The following LRRC19 variants were observed in gnomAD, a reference collection of about 807,000 sequenced individuals.
The protein encoded by LRRC19 is leucine rich repeat containing 19, also known as leucine-rich repeat-containing protein 19.
In LRRC19, 33 loss-of-function variants were observed where a neutral mutation model predicts 33.3. The observed-to-expected ratio is 0.99, with a 90% CI of 0.75 to 1.33. LRRC19 has a LOEUF of 1.33. Among genes scored for constraint, LRRC19 ranks in the 40% most tolerant of loss-of-function variants. LRRC19 has a pLI of 0.00. For synonymous variants in LRRC19, 184 were observed against 152.3 expected (o/e 1.21, Z -1.53); for missense variants, 463 against 417.3 (o/e 1.11, Z -0.95).
intron 1 of LRRC19, among the ~76,000 whole-genome samples, chr9:27,002,765 C>A (rs763326724): frequency 2.0e-5 from 3 of 152,052 alleles, no homozygotes; most frequent in Non-Finnish European, 2.9e-5. Context: ...GTTGTTTTAG[C>A]TATTTGGGAT....
In LRRC19 at chr9:26,994,564, A is replaced by G. The variant is rs1335779639; in HGVS notation, c.*957T>C. 6.6e-6 allele frequency: 1 copy of G among 152,090 alleles called. No individual in the cohort carries two copies. The highest frequency in any genetic ancestry group is 1.5e-5 in the Non-Finnish European group (1 of 67,996). The allele number at this position is 152,090 out of a possible 1,614,324, so 9.4% of individuals were successfully genotyped here. A position where few individuals can be genotyped will look rare whatever the true frequency, so the allele number is the denominator to read the frequency against. On this transcript the variant is annotated 3_prime_UTR_variant, in exon 5 of 5. Coordinates refer to ENST00000380055, the MANE Select transcript of LRRC19 (RefSeq NM_022901.3). ...AAAAAAAAAAAAAAAAAAGAAAAAG[A>G]ATCTTGTTTCACCTTGTTTAAACTA...
At position 26,997,750 on chromosome 9, in the gene LRRC19, C is replaced by T; in HGVS notation, c.573G>A (p.Leu191=). ...TACCTAATGTCACATTTGATGTGTT[C>T]AACCAGTTCTGCAAATTAAATAGAC... The part of the protein sequence containing the change: ...SCSLFNLQNW[L]NTSNVTLENE... Residue 191 remains leucine, a synonymous_variant, in exon 3 of 5, where the codon TTG becomes TTA. Coordinates refer to ENST00000380055, the MANE Select transcript of LRRC19 (RefSeq NM_022901.3). 1.2e-6 allele frequency: 2 copies of T among 1,608,512 alleles called. No homozygotes were observed. Among genetic ancestry groups the T allele is most frequent in the Non-Finnish European group, 1.7e-6 (2 of 1,178,518 alleles).
intron 3 of LRRC19, among the ~76,000 whole-genome samples, chr9:26,997,403 G>A (rs916831960): frequency 3.5e-5 from 5 of 143,226 alleles, no homozygotes; most frequent in Admixed American, 2.2e-4. Context: ...GCACGATCTC[G>A]GCTCACTGTA....
In LRRC19 at chr9:27,005,352, T is replaced by TCCCC. The variant is rs1443234170; in HGVS notation, c.-10+236_-10+239dup. ...ATTTGATTGGCTAGATGAAACCATT[T>TCCCC]CCCCCCCCGCCCCCCGCAAAACAAT... On this transcript the variant is annotated intron_variant, in intron 1 of 4. Transcript: ENST00000380055. Among the ~76,000 whole-genome samples, 44 of 18,936 alleles carry TCCCC rather than the reference T, an allele frequency of 2.3e-3. 1 individual carries two copies. The East Asian group carries it at 0.024, about 10-fold the overall frequency. The allele number at this position is 18,936 out of a possible 152,430, so 12.4% of individuals were successfully genotyped here.
intron 4 of LRRC19, 87 bp from the exon 5 acceptor site, chr9:26,995,936 A>G (rs1828132879): frequency 2.3e-6 from 2 of 887,966 alleles, no homozygotes; most frequent in Non-Finnish European, 3.3e-6. Flanking sequence ...ATTCTCCTCA[A>G]TATTGGTATT....
chr9:26,999,852 G>GCCTTGATCTC, intron 1 of LRRC19, 149 bp from the exon 2 acceptor site: 1 of 534,310 alleles, frequency 1.9e-6, no homozygotes, highest in East Asian at 3.1e-5. Flanking sequence ...GCTCACTGCA[G>GCCTTGATCTC]CCTTGATCTC....
In LRRC19 at chr9:26,996,298, A is replaced by G. The variant is rs1237555315; in HGVS notation, c.784+13T>C. 7 of 1,484,124 alleles carry G rather than the reference A, an allele frequency of 4.7e-6. No homozygotes were observed. The East Asian group carries it at 1.6e-4, about 34-fold the overall frequency. The allele number at this position is 1,484,124 out of a possible 1,614,324, so 91.9% of individuals were successfully genotyped here. On this transcript the variant is annotated intron_variant, in intron 4 of 4. Transcript: ENST00000380055. ...ACATTCAGCAGTGTTAATATATAGA[A>G]CCAGTATATTACCTGAATTTCTTGT...
Position 26,999,665 on chromosome 9 carries a change from A to G in LRRC19, c.30T>C (p.Phe10=). Residue 10 remains phenylalanine (F), a synonymous_variant, in exon 2 of 5, where the codon TTT becomes TTC. Coordinates refer to ENST00000380055, the MANE Select transcript of LRRC19 (RefSeq NM_022901.3). ...ATAATAATATCATGGAGAGGGGCCA[A>G]AAGAGGATTGTGATGCCTGTGACTT... MKVTGITIL[F]WPLSMILLSD... The G allele has an allele frequency of 6.2e-7, 1 of 1,610,794 alleles. No homozygotes were observed. Among genetic ancestry groups the G allele is most frequent in the Non-Finnish European group, 8.5e-7 (1 of 1,178,572 alleles).
At chr9:27,001,482 A>G (rs572870638) in intron 1 of LRRC19, among the ~76,000 whole-genome samples, 1 of 152,256 alleles carries the variant, frequency 6.6e-6, no homozygotes, top group Non-Finnish European at 1.5e-5. Flanking sequence ...ATTGCCTGTC[A>G]TATTGATAGA....
Position 26,996,477 on chromosome 9 carries a change from A to G in LRRC19, c.618T>C (p.Cys206=). ...VTLENENITM[C]SYPNSLQSYN... ...AGCTCTGCAGGCTGTTGGGGTAGCTACACATGGTGATGTTCTCATTTTCTA... is the reference window on the plus strand; with the variant it reads ...AGCTCTGCAGGCTGTTGGGGTAGCTGCACATGGTGATGTTCTCATTTTCTA... Residue 206 remains cysteine (C), a synonymous_variant, in exon 4 of 5, where the codon TGT becomes TGC. Coordinates refer to ENST00000380055, the MANE Select transcript of LRRC19 (RefSeq NM_022901.3). The G allele has an allele frequency of 1.3e-6, 2 of 1,497,838 alleles. No individual in the cohort carries two copies. Among genetic ancestry groups the G allele is most frequent in the Non-Finnish European group, 1.8e-6 (2 of 1,112,626 alleles). 92.8% of individuals were successfully genotyped at this position (1,497,838 alleles called of 1,614,324 possible). A position where few individuals can be genotyped will look rare whatever the true frequency, so the allele number is the denominator to read the frequency against.
intron 1 of LRRC19, among the ~76,000 whole-genome samples, chr9:27,000,519 G>C (rs1032530774): frequency 2.6e-5 from 4 of 152,112 alleles, no homozygotes; most frequent in Non-Finnish European, 4.4e-5. Context: ...TTGAGGCGTG[G>C]TAGATATACA....
chr9:26,999,750 C>T (rs1263952260), intron 1 of LRRC19, 47 bp from the exon 2 acceptor site: 3 of 1,255,940 alleles, frequency 2.4e-6, no homozygotes, highest in African/African-American at 3.2e-5. Context: ...TTATTTTTCC[C>T]TCTTTTGAAT....
rs775807949 is a variant in LRRC19 at position 26,997,812 on chromosome 9, T to C, written c.511A>G (p.Ile171Val). Residue 171 changes from isoleucine to valine, a missense_variant, in exon 3 of 5, where the codon ATA becomes GTA. Coordinates refer to ENST00000380055, the MANE Select transcript of LRRC19 (RefSeq NM_022901.3). ...DVPPLFHLEL[I>V]TLYGNLWNCS... ...TTCCATAGGTTTCCATATAAAGTTATTAATTCCAGATGAAATAGTGGTGGT... is the reference window on the plus strand; with the variant it reads ...TTCCATAGGTTTCCATATAAAGTTACTAATTCCAGATGAAATAGTGGTGGT... 5 of 1,614,184 alleles carry C rather than the reference T, an allele frequency of 3.1e-6. No individual in the cohort carries two copies. The highest frequency in any genetic ancestry group is 4.2e-6 in the Non-Finnish European group (5 of 1,180,024).
chr9:27,004,813 A>G (rs1389258380), intron 1 of LRRC19, among the ~76,000 whole-genome samples: 2 of 152,194 alleles, frequency 1.3e-5, no homozygotes, highest in African/African-American at 4.8e-5. Flanking sequence ...TATTTCACAA[A>G]ATTACGTGCA....
At position 26,993,624 on chromosome 9, in the gene LRRC19, T is replaced by C. The variant is rs544843452; in HGVS notation, c.*1897A>G. ...ATCTATTTTATTTTAGCCTCTTTTT[T>C]CTAAGGAATTGTCAAGTACATACAA... On this transcript the variant is annotated 3_prime_UTR_variant, in exon 5 of 5. Coordinates refer to ENST00000380055, the MANE Select transcript of LRRC19 (RefSeq NM_022901.3). 6.6e-6 allele frequency: 1 copy of C among 152,514 alleles called. No homozygotes were observed. Among genetic ancestry groups the C allele is most frequent in the Non-Finnish European group, 1.5e-5 (1 of 68,010 alleles). 9.4% of individuals were successfully genotyped at this position (152,514 alleles called of 1,614,324 possible).
chr9:27,002,481 G>A (rs1057464848), intron 1 of LRRC19, among the ~76,000 whole-genome samples: 8 of 152,224 alleles, frequency 5.3e-5, no homozygotes, highest in Non-Finnish European at 1.0e-4. Flanking sequence ...GCAAGAGATA[G>A]GGGTCTGGTT....
In LRRC19 at chr9:26,999,553, C is replaced by CT. The variant is rs1172379172; in HGVS notation, c.81+60dup. The CT allele has an allele frequency of 2.1e-4, 267 of 1,255,210 alleles. 2 individuals are homozygous for CT. The East Asian group carries it at 6.6e-3, about 31-fold the overall frequency. The allele number at this position is 1,255,210 out of a possible 1,614,324, so 77.8% of individuals were successfully genotyped here. A position where few individuals can be genotyped will look rare whatever the true frequency, so the allele number is the denominator to read the frequency against. ...TTTCTTATTGCCCTTTTATATTTTA[C>CT]TAAATATACAGAAAATGTACCTTTG... On this transcript the variant is annotated intron_variant, in intron 2 of 4. Transcript: ENST00000380055.
In LRRC19 at chr9:26,999,701, G is replaced by A. The variant is rs1346681460; in HGVS notation, c.-7C>T. 6.3e-7 allele frequency: 1 copy of A among 1,587,620 alleles called. No individual in the cohort carries two copies. Among genetic ancestry groups the A allele is most frequent in the East Asian group, 2.2e-5 (1 of 44,452 alleles). Reference sequence around the variant, plus strand: ...TGATGCCTGTGACTTTCATGTTGCAGACCTGATAGAAAAGAGAGTATTTTC... The same window carrying A: ...TGATGCCTGTGACTTTCATGTTGCAAACCTGATAGAAAAGAGAGTATTTTC... On this transcript the variant is annotated splice_region_variant and 5_prime_UTR_variant, in exon 2 of 5. Coordinates refer to ENST00000380055, the MANE Select transcript of LRRC19 (RefSeq NM_022901.3).
intron 1 of LRRC19, among the ~76,000 whole-genome samples, chr9:27,000,271 T>G (rs1399538649): frequency 6.6e-6 from 1 of 152,206 alleles, no homozygotes; most frequent in Non-Finnish European, 1.5e-5. Flanking sequence ...TGAAAGGAGC[T>G]TTAAAGCAAT....
Sources: allele counts gnomAD v4.1 joint callset (sites outside exome capture counted in the v4.1 genomes callset), GRCh38; gene constraint gnomAD v4.1.1; transcripts MANE v1.5; gene names NCBI Gene and HGNC (gene_info 2026-07-23, HGNC 2026-07-21).